The following CAMSAP1 variants were observed in gnomAD, a reference collection of about 807,000 sequenced individuals.
The protein encoded by CAMSAP1 is calmodulin-regulated spectrin-associated protein 1.
CAMSAP1 carries 58 observed loss-of-function variants against 143.5 expected under a neutral mutation model. That is an observed-to-expected ratio of 0.40 (90% confidence interval 0.33 to 0.50). The LOEUF is 0.50. CAMSAP1 is among the 20% of genes least tolerant of loss of function. The probability of loss-of-function intolerance (pLI) is 0.45; values close to 1 mark genes in which losing one functional copy is unlikely to be tolerated. For missense variants in CAMSAP1, 1,969 were observed against 2,115.7 expected (o/e 0.93, Z 1.36); for synonymous variants, 945 against 859.3 (o/e 1.10, Z -1.74).
chr9:135,881,495 A>G, intron 3 of CAMSAP1, 138 bp downstream of exon 3: 3 of 1,007,260 alleles, frequency 3.0e-6, no homozygotes, highest in Non-Finnish European at 4.4e-6. Flanking sequence ...CAGCAGACAC[A>G]TTTCTGGACA....
intron 7 of CAMSAP1, among the ~76,000 whole-genome samples, chr9:135,834,835 CTA>C (rs950252619): frequency 1.3e-5 from 2 of 152,156 alleles, no homozygotes; most frequent in African/African-American, 4.8e-5. Flanking sequence ...AACCAGTTCA[CTA>C]TGTATACGTG....
In CAMSAP1 at chr9:135,818,897, G is replaced by A. The variant is rs1835338501; in HGVS notation, c.3959+113C>T. On this transcript the variant is annotated intron_variant, in intron 12 of 16. Transcript: ENST00000389532. This position sits in a 1 kb window ranked among gnomAD's most constrained non-coding sequence, Gnocchi z 7.7. ...GGTGGTCCATGGGAGGAGTAAGACCGTCACAGGCACTCATTGCCATGGTCC... is the reference window on the plus strand; with the variant it reads ...GGTGGTCCATGGGAGGAGTAAGACCATCACAGGCACTCATTGCCATGGTCC... 2 of 1,469,902 alleles carry A rather than the reference G, an allele frequency of 1.4e-6. No individual in the cohort carries two copies. The highest frequency in any genetic ancestry group is 9.1e-7 in the Non-Finnish European group (1 of 1,093,720). 91.1% of individuals were successfully genotyped at this position (1,469,902 alleles called of 1,614,324 possible).
chr9:135,837,004 C>A, intron 7 of CAMSAP1: 1 of 939,378 alleles, frequency 1.1e-6, no homozygotes, highest in Non-Finnish European at 1.3e-6. Flanking sequence ...GCACTTTCTA[C>A]CTGTTCTAGA....
chr9:135,815,768 C>A, intron 15 of CAMSAP1, 122 bp downstream of exon 15: 2 of 813,198 alleles, frequency 2.5e-6, no homozygotes, highest in Non-Finnish European at 3.8e-6. Context: ...TCTTTCACTA[C>A]ATCAAACATC....
At position 135,827,420 on chromosome 9, in the gene CAMSAP1, C is replaced by T; in HGVS notation, c.1210G>A (p.Glu404Lys). 6.4e-7 allele frequency: 1 copy of T among 1,566,906 alleles called. No individual in the cohort carries two copies. The highest frequency in any genetic ancestry group is 2.3e-5 in the East Asian group (1 of 43,936). The change falls in exon 8 of 17, where the codon GAA becomes AAA. Residue 404 changes from glutamate to lysine, a missense_variant. Glu to Lys is a moderately conservative substitution (Grantham distance 56). Around this residue, in one of 4 missense-constraint regions of CAMSAP1, gnomAD observed 1,390 missense variants for 1,420.8 expected, o/e 0.98. Transcript: ENST00000389532. ...AGACAGACTTACAGGTATTCAGGTT[C>T]TTCCGGGTGCAGGTAGTGCCTGTGA... ...GCHRHYLHPE[E>K]PEYLGKGTAA...
chr9:135,837,550 G>A (rs1215382326), intron 7 of CAMSAP1, among the ~76,000 whole-genome samples: 1 of 149,488 alleles, frequency 6.7e-6, no homozygotes, highest in African/African-American at 2.5e-5. Flanking sequence ...CAGTTCTACA[G>A]ACACACATCA....
Position 135,907,235 on chromosome 9 carries a change from C to G in CAMSAP1, c.-76G>C. The stretch of plus-strand genomic sequence containing the variant: ...GCCCCTCGCCGCGCCGGGCCCGGTG[C>G]GCCCCGAGCCACCACTCGGCCCCGC... On this transcript the variant is annotated 5_prime_UTR_variant, in exon 1 of 17. Transcript: ENST00000389532. 1 of 939,010 alleles carries G rather than the reference C, an allele frequency of 1.1e-6. No individual in the cohort carries two copies. Among genetic ancestry groups the G allele is most frequent in the Non-Finnish European group, 1.3e-6 (1 of 782,088 alleles). The allele number at this position is 939,010 out of a possible 1,614,324, so 58.2% of individuals were successfully genotyped here.
At position 135,885,510 on chromosome 9, in the gene CAMSAP1, G is replaced by T. The variant is rs567101510; in HGVS notation, c.161-2432C>A. On this transcript the variant is annotated intron_variant, in intron 1 of 16. Coordinates refer to ENST00000389532, the MANE Select transcript of CAMSAP1 (RefSeq NM_015447.4). ...AGACGGGACAGGCACGTAAGTGGAG[G>T]GCTGGCATTAGATGGAAGCAGGGTG... Among the ~76,000 whole-genome samples the T allele has an allele frequency of 1.4e-4, 22 of 152,240 alleles. No individual in the cohort carries two copies. The Middle Eastern group carries it at 0.01, about 71-fold the overall frequency.
intron 4 of CAMSAP1, among the ~76,000 whole-genome samples, chr9:135,866,199 C>T (rs975735290): frequency 3.9e-5 from 6 of 152,212 alleles, no homozygotes; most frequent in African/African-American, 1.4e-4. Flanking sequence ...ACTCAAGCTT[C>T]CCAATTCCCC....
At chr9:135,829,386 T>A (rs1835778951) in intron 7 of CAMSAP1, among the ~76,000 whole-genome samples, 1 of 151,560 alleles carries the variant, frequency 6.6e-6, no homozygotes, top group South Asian at 2.1e-4. Context: ...GGCACATGCC[T>A]GTAGCCTGTA....
At chr9:135,816,259 T>C (rs754609762) in intron 14 of CAMSAP1, among the ~76,000 whole-genome samples, 5 of 151,288 alleles carry the variant, frequency 3.3e-5, no homozygotes, top group Admixed American at 6.6e-5. Flanking sequence ...ACCGAAGGGG[T>C]TCACCTCCAC....
chr9:135,811,812 T>C lies in CAMSAP1; in HGVS notation c.4507-201A>G, dbSNP rs866021124. On this transcript the variant is annotated intron_variant, in intron 16 of 16. Coordinates refer to ENST00000389532, the MANE Select transcript of CAMSAP1 (RefSeq NM_015447.4). The surrounding 1 kb of genome is among the most constrained non-coding windows in gnomAD (Gnocchi z 4.9). ...TGCCATTGAGACTTTACTTAAGAAGTCTAAGCAAGCAAGGGGGAAAAGAAT... is the reference window on the plus strand; with the variant it reads ...TGCCATTGAGACTTTACTTAAGAAGCCTAAGCAAGCAAGGGGGAAAAGAAT... Among the ~76,000 whole-genome samples, 86 of 152,116 alleles carry C rather than the reference T, an allele frequency of 5.7e-4. No individual in the cohort carries two copies. The highest frequency in any genetic ancestry group is 1.9e-3 in the African/African-American group (80 of 41,410).
At position 135,883,050 on chromosome 9, in the gene CAMSAP1, A is replaced by T. The variant is rs1339192298; in HGVS notation, c.189T>A (p.Pro63=). 6.4e-7 allele frequency: 1 copy of T among 1,551,722 alleles called. No homozygotes were observed. Among genetic ancestry groups the T allele is most frequent in the East Asian group, 2.4e-5 (1 of 40,912 alleles). Residue 63 remains proline, a synonymous_variant, in exon 2 of 17, where the codon CCT becomes CCA. Coordinates refer to ENST00000389532, the MANE Select transcript of CAMSAP1 (RefSeq NM_015447.4). The part of the protein sequence containing the change: ...RDNIPEDLRD[P]FYVDQYEQEH... The stretch of plus-strand genomic sequence containing the variant: ...CCTGCTCATACTGGTCAACGTAGAA[A>T]GGGTCTCTGAGGTCCTCAGGGATGT...
intron 7 of CAMSAP1, among the ~76,000 whole-genome samples, chr9:135,828,520 C>G (rs567689016): frequency 6.6e-6 from 1 of 152,302 alleles, no homozygotes; most frequent in African/African-American, 2.4e-5. Flanking sequence ...AGAAGCTAAA[C>G]CCCCAACCCA....
Position 135,846,072 on chromosome 9 carries a change from C to CA in CAMSAP1, c.1045+4064dup, listed in dbSNP as rs71384025. On this transcript the variant is annotated intron_variant, in intron 7 of 16. Coordinates refer to ENST00000389532, the MANE Select transcript of CAMSAP1 (RefSeq NM_015447.4). Reference sequence around the variant, plus strand: ...CCCTCATAGCCAAGACAACCCTAAGCAAAAAAAAAAAAAAAAAAAAACGAA... The same window carrying CA: ...CCCTCATAGCCAAGACAACCCTAAGCAAAAAAAAAAAAAAAAAAAAAACGAA... 3.4e-4 allele frequency among the ~76,000 whole-genome samples: 27 copies of CA among 79,904 alleles called. 1 individual carries two copies. Among genetic ancestry groups the CA allele is most frequent in the East Asian group, 2.3e-3 (5 of 2,156 alleles). 52.4% of individuals were successfully genotyped at this position (79,904 alleles called of 152,430 possible). A position where few individuals can be genotyped will look rare whatever the true frequency, so the allele number is the denominator to read the frequency against.
At chr9:135,859,420 T>G (rs971592299) in intron 5 of CAMSAP1, among the ~76,000 whole-genome samples, 2 of 152,174 alleles carry the variant, frequency 1.3e-5, no homozygotes, top group African/African-American at 4.8e-5. Context: ...TTTGAGACAG[T>G]CTCGCTCTGT....
Position 135,882,785 on chromosome 9 carries a change from C to A in CAMSAP1, c.423+31G>T. ...GAGAGCCCACGGCTCCAGAGGATGG[C>A]CCCTGGGGGCGGCCACCGCAGACCA... On this transcript the variant is annotated intron_variant, in intron 2 of 16. Transcript: ENST00000389532. This position sits in a 1 kb window ranked among gnomAD's most constrained non-coding sequence, Gnocchi z 4.9. 6.5e-7 allele frequency: 1 copy of A among 1,537,354 alleles called. No homozygotes were observed. Among genetic ancestry groups the A allele is most frequent in the Non-Finnish European group, 8.8e-7 (1 of 1,140,974 alleles).
chr9:135,819,625 G>A (rs1429702248), intron 11 of CAMSAP1, among the ~76,000 whole-genome samples: 1 of 149,804 alleles, frequency 6.7e-6, no homozygotes, highest in Non-Finnish European at 1.5e-5. Flanking sequence ...CCTGAGGTCA[G>A]GAGTTCAAGA....
At chr9:135,852,558 G>A (rs567110891) in intron 5 of CAMSAP1, among the ~76,000 whole-genome samples, 4 of 152,254 alleles carry the variant, frequency 2.6e-5, no homozygotes, top group African/African-American at 4.8e-5. Flanking sequence ...TGTCTATGCC[G>A]CCATGTTCTT....
Sources: allele counts gnomAD v4.1 joint callset (sites outside exome capture counted in the v4.1 genomes callset), GRCh38; gene constraint gnomAD v4.1.1; regional missense constraint gnomAD v4.1.1; non-coding constraint Gnocchi (gnomAD v3.1); transcripts MANE v1.5; gene names NCBI Gene and HGNC (gene_info 2026-07-23, HGNC 2026-07-21).